The following SORCS1 variants were observed in gnomAD, a reference collection of about 807,000 sequenced individuals.
SORCS1 encodes the protein sortilin related VPS10 domain containing receptor 1, also known as VPS10 domain-containing receptor SorCS1.
SORCS1 carries 60 observed loss-of-function variants against 146.1 expected under a neutral mutation model. That is an observed-to-expected ratio of 0.41 (90% confidence interval 0.33 to 0.51). The LOEUF (loss-of-function observed/expected upper bound fraction) is 0.51. Ranked by LOEUF, SORCS1 falls within the 20% of genes least tolerant of loss-of-function variation. SORCS1 has a pLI of 0.21. For synonymous variants in SORCS1, 637 were observed against 584.0 expected (o/e 1.09, Z -1.31); for missense variants, 1,352 against 1,487.6 (o/e 0.91, Z 1.50).
intron 19 of SORCS1, 45 bp downstream of exon 19, chr10:106,629,157 A>G (rs754521017): frequency 6.5e-7 from 1 of 1,529,684 alleles, no homozygotes. Context: ...TGAAAAGGAC[A>G]CAATATTTAA....
At chr10:107,154,741 A>G (rs1461533444) in intron 1 of SORCS1, among the ~76,000 whole-genome samples, 1 of 152,216 alleles carries the variant, frequency 6.6e-6, no homozygotes, top group Non-Finnish European at 1.5e-5. Flanking sequence ...TTAATAGGCC[A>G]TACTGGAGCA....
chr10:107,003,826 C>A (rs578143897), intron 1 of SORCS1, among the ~76,000 whole-genome samples: 3 of 152,096 alleles, frequency 2.0e-5, no homozygotes, highest in Middle Eastern at 6.8e-3. Flanking sequence ...AGGAAGGGGG[C>A]AGGGAATAAC....
intron 2 of SORCS1, among the ~76,000 whole-genome samples, chr10:106,949,350 AC>A (rs1348116769): frequency 7.9e-5 from 12 of 152,118 alleles, no homozygotes; most frequent in Admixed American, 7.9e-4. Context: ...GACCCAAGCC[AC>A]CCACTGCTCT....
chr10:106,651,482 T>C (rs1849861054), intron 18 of SORCS1, among the ~76,000 whole-genome samples: 1 of 152,186 alleles, frequency 6.6e-6, no homozygotes, highest in Admixed American at 6.5e-5. Context: ...TTCCAAATGC[T>C]CTCCAGGTGA....
intron 1 of SORCS1, among the ~76,000 whole-genome samples, chr10:106,963,348 C>G (rs901379501): frequency 6.6e-6 from 1 of 151,958 alleles, no homozygotes; most frequent in East Asian, 1.9e-4. Flanking sequence ...ATCTCCTGAC[C>G]TTGTGATCCG....
intron 6 of SORCS1, among the ~76,000 whole-genome samples, chr10:106,729,684 C>A (rs1457299404): frequency 6.6e-6 from 1 of 152,036 alleles, no homozygotes; most frequent in African/African-American, 2.4e-5. Context: ...TCAAAATATG[C>A]ATATTTCTGG....
chr10:106,587,382 T>C (rs1202762182), intron 24 of SORCS1, among the ~76,000 whole-genome samples: 1 of 152,238 alleles, frequency 6.6e-6, no homozygotes, highest in Non-Finnish European at 1.5e-5. Context: ...AGTTCAGAGT[T>C]CCACAACTCC....
At chr10:106,677,638 T>C (rs1852135043) in intron 12 of SORCS1, among the ~76,000 whole-genome samples, 1 of 152,236 alleles carries the variant, frequency 6.6e-6, no homozygotes, top group Admixed American at 6.5e-5. Flanking sequence ...AATGAATATT[T>C]ATGGGTTCAT....
intron 21 of SORCS1, among the ~76,000 whole-genome samples, chr10:106,614,996 C>T (rs544522285): frequency 1.3e-5 from 2 of 151,986 alleles, no homozygotes; most frequent in African/African-American, 4.8e-5. Context: ...AGTAGACAAA[C>T]CTTCCCCTGT....
Position 106,801,568 on chromosome 10 carries a change from T to A in SORCS1, c.727-24876A>T, listed in dbSNP as rs372590236. ...TTTTGAGACGGAGTCTCGCTCTGTC[T>A]CCCAGGCTGGAGTGCAGTGGTGGGA... is the stretch of plus-strand genomic sequence containing the variant. On this transcript the variant is annotated intron_variant, in intron 3 of 25. Coordinates refer to ENST00000263054, the MANE Select transcript of SORCS1 (RefSeq NM_052918.5). Among the ~76,000 whole-genome samples the A allele has an allele frequency of 5.8e-3, 835 of 144,574 alleles. 7 individuals are homozygous for A. Among genetic ancestry groups the A allele is most frequent in the African/African-American group, 0.02 (779 of 38,924 alleles). The allele number at this position is 144,574 out of a possible 152,430, so 94.8% of individuals were successfully genotyped here.
At chr10:107,044,539 G>C (rs369446268) in intron 1 of SORCS1, among the ~76,000 whole-genome samples, 16 of 72,832 alleles carry the variant, frequency 2.2e-4, no homozygotes, top group African/African-American at 8.4e-4. Context: ...AAAAAAAAAA[G>C]TTGGCAGGGC....
At chr10:106,849,510 A>G (rs1949453737) in intron 2 of SORCS1, among the ~76,000 whole-genome samples, 1 of 147,352 alleles carries the variant, frequency 6.8e-6, no homozygotes, top group Admixed American at 6.7e-5. Flanking sequence ...AAAGTTTTCA[A>G]CTTCTTTGCC....
At chr10:107,008,146 G>T (rs532251491) in intron 1 of SORCS1, among the ~76,000 whole-genome samples, 1 of 151,984 alleles carries the variant, frequency 6.6e-6, no homozygotes, top group Admixed American at 6.5e-5. Flanking sequence ...AACATCATAC[G>T]ATTCTTCATC....
intron 1 of SORCS1, among the ~76,000 whole-genome samples, chr10:107,146,974 C>A (rs1338171586): frequency 6.6e-6 from 1 of 152,082 alleles, no homozygotes; most frequent in African/African-American, 2.4e-5. Context: ...TAGTGCCTGG[C>A]ACATAGTAAA....
intron 17 of SORCS1, among the ~76,000 whole-genome samples, chr10:106,664,861 C>T (rs963269453): frequency 1.3e-5 from 2 of 151,942 alleles, no homozygotes; most frequent in Non-Finnish European, 2.9e-5. Flanking sequence ...GAGGGGTTTC[C>T]AATGCCCTTT....
At chr10:107,053,807 T>C (rs2134066873) in intron 1 of SORCS1, among the ~76,000 whole-genome samples, 1 of 152,320 alleles carries the variant, frequency 6.6e-6, no homozygotes, top group African/African-American at 2.4e-5. Flanking sequence ...CAAGAGCTCC[T>C]TCAATCATAT....
At chr10:106,977,197 T>C (rs547016125) in intron 1 of SORCS1, among the ~76,000 whole-genome samples, 126 of 152,280 alleles carry the variant, frequency 8.3e-4, no homozygotes, top group Middle Eastern at 3.4e-3. Context: ...CTTGCTAGCA[T>C]CTATTGTCTC....
At chr10:106,897,163 G>A (rs1589657617) in intron 2 of SORCS1, among the ~76,000 whole-genome samples, 1 of 151,402 alleles carries the variant, frequency 6.6e-6, no homozygotes, top group Admixed American at 6.6e-5. Context: ...TTACAGGCAT[G>A]AGCCACCTCG....
At chr10:106,970,054 C>T (rs1955695430) in intron 1 of SORCS1, 1 of 152,402 alleles carries the variant, frequency 6.6e-6, no homozygotes, top group Non-Finnish European at 1.5e-5. Context: ...CGCGTCCGTT[C>T]TCGTCTGATC....
Sources: allele counts gnomAD v4.1 joint callset (sites outside exome capture counted in the v4.1 genomes callset), GRCh38; gene constraint gnomAD v4.1.1; transcripts MANE v1.5; gene names NCBI Gene and HGNC (gene_info 2026-07-23, HGNC 2026-07-21).